The following WWOX variants were observed in gnomAD, a reference collection of about 807,000 sequenced individuals.
The protein encoded by WWOX is WW domain-containing oxidoreductase.
Under a neutral mutation model 46.2 loss-of-function variants are expected in WWOX, and 69 were observed. The ratio of observed to expected loss-of-function variants is 1.49; its 90% confidence interval spans 1.23 to 1.82. The LOEUF (loss-of-function observed/expected upper bound fraction) is 1.82, where lower values mean the gene tolerates loss of function less well. Ranked by LOEUF, WWOX falls within the 40% of genes most tolerant of loss-of-function variation. WWOX has a pLI of 0.00. For missense variants in WWOX, 919 were observed against 542.6 expected (o/e 1.69, Z -6.89); for synonymous variants, 359 against 202.6 (o/e 1.77, Z -6.56).
intron 3 of WWOX, among the ~76,000 whole-genome samples, chr16:78,110,604 C>CT (rs1265980440): frequency 6.6e-6 from 1 of 152,130 alleles, no homozygotes; most frequent in Non-Finnish European, 1.5e-5. Flanking sequence ...AAGACTTTTT[C>CT]ACCTCTCTGA....
chr16:78,621,592 C>CTTTTTTTTTTTTTATTTT (rs2046185172), intron 8 of WWOX, among the ~76,000 whole-genome samples: 1 of 31,512 alleles, frequency 3.2e-5, no homozygotes, highest in African/African-American at 1.3e-4. Context: ...TTGTTCTAAT[C>CTTTTTTTTTTTTTATTTT]TTTTTTTTTT....
In WWOX at chr16:78,882,610, C is replaced by CA. The variant is rs555693283; in HGVS notation, c.1057-328998_1057-328997insA. Among the ~76,000 whole-genome samples, 251 of 113,824 alleles carry CA rather than the reference C, an allele frequency of 2.2e-3. 2 individuals are homozygous for CA. The highest frequency in any genetic ancestry group is 8.0e-3 in the African/African-American group (232 of 28,900). 74.7% of individuals were successfully genotyped at this position (113,824 alleles called of 152,430 possible). A position where few individuals can be genotyped will look rare whatever the true frequency, so the allele number is the denominator to read the frequency against. ...TCTCTCCTCGCCTCCCGAGTAGCCT[C>CA]CCGAGTAGCTGGGATTACAGGTATG... On this transcript the variant is annotated intron_variant, in intron 8 of 8. Coordinates refer to ENST00000566780, the MANE Select transcript of WWOX (RefSeq NM_016373.4).
intron 7 of WWOX, among the ~76,000 whole-genome samples, chr16:78,425,913 G>C (rs1414386160): frequency 6.0e-5 from 9 of 149,482 alleles, no homozygotes; most frequent in Admixed American, 5.9e-4. Flanking sequence ...ATGTTTTAGT[G>C]ACCCAGAATG....
intron 8 of WWOX, among the ~76,000 whole-genome samples, chr16:78,746,110 A>T (rs1203302060): frequency 6.6e-6 from 1 of 152,176 alleles, no homozygotes; most frequent in Non-Finnish European, 1.5e-5. Flanking sequence ...CCAGCATGTG[A>T]TTTGTCCAAG....
intron 5 of WWOX, among the ~76,000 whole-genome samples, chr16:78,309,170 C>G (rs977639511): frequency 7.9e-5 from 12 of 152,220 alleles, no homozygotes; most frequent in Non-Finnish European, 1.8e-4. Flanking sequence ...ACAATCCCGA[C>G]ATGTCAAGGG....
At chr16:78,755,352 G>A (rs930136985) in intron 8 of WWOX, among the ~76,000 whole-genome samples, 1 of 152,140 alleles carries the variant, frequency 6.6e-6, no homozygotes, top group Admixed American at 6.6e-5. Context: ...AGAAAATGCA[G>A]TGGGTAGCCC....
chr16:78,414,950 TTAAAG>T (rs1298731993), intron 6 of WWOX, among the ~76,000 whole-genome samples: 4 of 151,918 alleles, frequency 2.6e-5, no homozygotes, highest in African/African-American at 7.2e-5. Context: ...GTCTATAAAA[TTAAAG>T]TAACTTTATA....
At chr16:79,106,802 T>C (rs562456602) in intron 8 of WWOX, 1 of 149,286 alleles carries the variant, frequency 6.7e-6, no homozygotes, top group Non-Finnish European at 1.5e-5. Flanking sequence ...TTTAACTTTT[T>C]TTCTTTTTTT....
chr16:78,645,619 G>C lies in WWOX; in HGVS notation c.1056+212867G>C, dbSNP rs141083515. Among the ~76,000 whole-genome samples, 21 of 152,218 alleles carry C rather than the reference G, an allele frequency of 1.4e-4. No individual in the cohort carries two copies. The Middle Eastern group carries it at 0.014, about 99-fold the overall frequency. The stretch of plus-strand genomic sequence containing the variant: ...TAGGGAGAAAGGGAGCAAGAGAGGG[G>C]AGGGGAGGTGCCAGAGACTTTAAAA... On this transcript the variant is annotated intron_variant, in intron 8 of 8. Transcript: ENST00000566780.
chr16:78,703,499 C>A (rs1315126071), intron 8 of WWOX, among the ~76,000 whole-genome samples: 1 of 151,826 alleles, frequency 6.6e-6, no homozygotes, highest in Non-Finnish European at 1.5e-5. Context: ...ACCTGTAGCT[C>A]CAGCTACTCA....
chr16:78,167,916 A>G (rs2035025950), intron 5 of WWOX: 1 of 152,048 alleles, frequency 6.6e-6, no homozygotes, highest in Non-Finnish European at 1.5e-5. Context: ...ATGTCACTAA[A>G]TATTACCTTC....
chr16:79,025,740 C>T (rs1308911209), intron 8 of WWOX, among the ~76,000 whole-genome samples: 1 of 151,184 alleles, frequency 6.6e-6, no homozygotes. Context: ...CATGGCCTTT[C>T]TGATAATCCT....
chr16:78,824,373 T>G (rs1422048519), intron 8 of WWOX, among the ~76,000 whole-genome samples: 1 of 152,184 alleles, frequency 6.6e-6, no homozygotes, highest in Non-Finnish European at 1.5e-5. Context: ...GTTAGCTCAT[T>G]GACTCTACAA....
At chr16:78,319,535 T>G (rs921666616) in intron 5 of WWOX, among the ~76,000 whole-genome samples, 2 of 152,114 alleles carry the variant, frequency 1.3e-5, no homozygotes, top group Non-Finnish European at 2.9e-5. Flanking sequence ...CTGCTGAGAT[T>G]ACAGGACCCT....
At chr16:78,380,877 A>G (rs2081940648) in intron 5 of WWOX, among the ~76,000 whole-genome samples, 1 of 152,228 alleles carries the variant, frequency 6.6e-6, no homozygotes. Context: ...TGGTCATCAC[A>G]TTTTAGCAGT....
intron 8 of WWOX, among the ~76,000 whole-genome samples, chr16:78,764,114 A>C (rs892233745): frequency 1.3e-5 from 2 of 152,148 alleles, no homozygotes; most frequent in Non-Finnish European, 2.9e-5. Flanking sequence ...TCCAGGATAA[A>C]AATCGTGTCA....
At chr16:78,240,582 C>T (rs2037609794) in intron 5 of WWOX, among the ~76,000 whole-genome samples, 1 of 152,140 alleles carries the variant, frequency 6.6e-6, no homozygotes, top group Non-Finnish European at 1.5e-5. Context: ...GCTAGGGCAG[C>T]CCTAGCACAC....
chr16:78,144,448 C>CGTATATATATATAT lies in WWOX; in HGVS notation c.410-19735_410-19734insGTATATATATATAT, dbSNP rs71380475. Among the ~76,000 whole-genome samples the CGTATATATATATAT allele has an allele frequency of 8.0e-4, 14 of 17,590 alleles. 1 individual carries two copies. The highest frequency in any genetic ancestry group is 2.5e-3 in the Admixed American group (2 of 790). The allele number at this position is 17,590 out of a possible 152,430, so 11.5% of individuals were successfully genotyped here. On this transcript the variant is annotated intron_variant, in intron 4 of 8. Coordinates refer to ENST00000566780, the MANE Select transcript of WWOX (RefSeq NM_016373.4). ...CCATTACTATATATATATATATATA[C>CGTATATATATATAT]ACATATATATATATACACACATATA...
At chr16:79,078,128 A>G (rs1454867641) in intron 8 of WWOX, 2 of 152,146 alleles carry the variant, frequency 1.3e-5, no homozygotes, top group African/African-American at 4.8e-5. Context: ...TGAAAGCTCT[A>G]GGACATAAAA....
Sources: allele counts gnomAD v4.1 joint callset (sites outside exome capture counted in the v4.1 genomes callset), GRCh38; gene constraint gnomAD v4.1.1; transcripts MANE v1.5; gene names NCBI Gene and HGNC (gene_info 2026-07-23, HGNC 2026-07-21).